KHDRBS2: variants seen among roughly 807,000 people sequenced by gnomAD.
The protein encoded by KHDRBS2 is KH RNA binding domain containing, signal transduction associated 2, also known as KH domain-containing, RNA-binding, signal transduction-associated protein 2.
In KHDRBS2, 26 loss-of-function variants were observed where a neutral mutation model predicts 44.3. The ratio of observed to expected loss-of-function variants is 0.59; its 90% confidence interval spans 0.43 to 0.81. The LOEUF is 0.81. KHDRBS2 is among the 40% of genes least tolerant of loss of function. The pLI is 0.00. For missense variants in KHDRBS2, 476 were observed against 433.1 expected (o/e 1.10, Z -0.88); for synonymous variants, 194 against 151.1 (o/e 1.28, Z -2.08).
chr6:62,032,472 C>G (rs1784527346), intron 3 of KHDRBS2, among the ~76,000 whole-genome samples: 1 of 151,734 alleles, frequency 6.6e-6, no homozygotes, highest in Non-Finnish European at 1.5e-5. Context: ...TGCTGATGGC[C>G]TATTGTGGGA....
At chr6:62,159,541 A>C (rs1817175403) in intron 2 of KHDRBS2, among the ~76,000 whole-genome samples, 1 of 152,124 alleles carries the variant, frequency 6.6e-6, no homozygotes, top group Admixed American at 6.6e-5. Flanking sequence ...GGAGTATCTT[A>C]GAGAAGAGAC....
At chr6:61,823,177 T>C (rs1019822269) in intron 6 of KHDRBS2, among the ~76,000 whole-genome samples, 1 of 152,012 alleles carries the variant, frequency 6.6e-6, no homozygotes, top group Non-Finnish European at 1.5e-5. Context: ...AATGCTTTAA[T>C]ATTCCACCAC....
intron 6 of KHDRBS2, among the ~76,000 whole-genome samples, chr6:61,852,234 T>A (rs1795533527): frequency 6.7e-6 from 1 of 149,720 alleles, no homozygotes; most frequent in African/African-American, 2.5e-5. Flanking sequence ...AATAAATAAA[T>A]AAATAAAATA....
At chr6:61,623,998 C>A in the KHDRBS2 span, among the ~76,000 whole-genome samples, 2 of 152,246 alleles carry the variant, frequency 1.3e-5, no homozygotes, top group South Asian at 2.1e-4. Flanking sequence ...TATACAAATT[C>A]TTGGCTAGAA....
At chr6:61,730,715 G>C (rs1774309932) in intron 7 of KHDRBS2, among the ~76,000 whole-genome samples, 1 of 152,010 alleles carries the variant, frequency 6.6e-6, no homozygotes, top group South Asian at 2.1e-4. Flanking sequence ...GGATAGGAAA[G>C]GAGACAGGGA....
At chr6:61,552,836 C>A in the KHDRBS2 span, among the ~76,000 whole-genome samples, 1 of 152,102 alleles carries the variant, frequency 6.6e-6, no homozygotes, top group Non-Finnish European at 1.5e-5. Flanking sequence ...CCTTGCATCC[C>A]AGATATAAAG....
intron 2 of KHDRBS2, among the ~76,000 whole-genome samples, chr6:62,085,765 T>A (rs1798263018): frequency 6.6e-6 from 1 of 152,048 alleles, no homozygotes; most frequent in Non-Finnish European, 1.5e-5. Flanking sequence ...AGGGTTAGGG[T>A]TAATTAGAAG....
At chr6:62,272,954 G>C in intron 1 of KHDRBS2, among the ~76,000 whole-genome samples, 1 of 152,070 alleles carries the variant, frequency 6.6e-6, no homozygotes, top group Non-Finnish European at 1.5e-5. Flanking sequence ...ATATGCAGCT[G>C]TCATTACCTT....
the KHDRBS2 span, among the ~76,000 whole-genome samples, chr6:61,594,295 T>C: frequency 2.0e-5 from 3 of 152,132 alleles, no homozygotes; most frequent in Non-Finnish European, 2.9e-5. Context: ...CAGTCCCACA[T>C]ATTTAATTCT....
At chr6:62,143,957 C>T (rs1444383838) in intron 2 of KHDRBS2, among the ~76,000 whole-genome samples, 1 of 151,822 alleles carries the variant, frequency 6.6e-6, no homozygotes, top group African/African-American at 2.4e-5. Context: ...ACATAACAGC[C>T]ATCCTTTGCC....
At chr6:62,086,769 A>T (rs772413056) in intron 2 of KHDRBS2, among the ~76,000 whole-genome samples, 8 of 152,146 alleles carry the variant, frequency 5.3e-5, no homozygotes, top group Non-Finnish European at 8.8e-5. Flanking sequence ...GTTGAACATG[A>T]GAGGAGTTTT....
intron 3 of KHDRBS2, among the ~76,000 whole-genome samples, chr6:61,989,304 TG>T (rs1341985983): frequency 6.6e-6 from 1 of 152,220 alleles, no homozygotes; most frequent in Non-Finnish European, 1.5e-5. Context: ...TCCCAGTTTC[TG>T]TCAAAGGATA....
the KHDRBS2 span, among the ~76,000 whole-genome samples, chr6:61,667,401 A>C: frequency 1.3e-5 from 2 of 151,338 alleles, no homozygotes; most frequent in East Asian, 3.9e-4. Flanking sequence ...TATGCAATTT[A>C]TCAAAAATCA....
chr6:61,757,910 G>C (rs1778734704), intron 6 of KHDRBS2, among the ~76,000 whole-genome samples: 1 of 152,092 alleles, frequency 6.6e-6, no homozygotes, highest in Non-Finnish European at 1.5e-5. Flanking sequence ...CTGTGCGAAT[G>C]CTGGACACAA....
chr6:62,282,588 G>A (rs1841950212), intron 1 of KHDRBS2, among the ~76,000 whole-genome samples: 1 of 152,060 alleles, frequency 6.6e-6, no homozygotes, highest in Admixed American at 6.6e-5. Flanking sequence ...ATATTTTCAT[G>A]TATATACATT....
chr6:62,093,422 T>G (rs541120025), intron 2 of KHDRBS2, among the ~76,000 whole-genome samples: 1 of 152,002 alleles, frequency 6.6e-6, no homozygotes, highest in African/African-American at 2.4e-5. Flanking sequence ...GTATAAGTTA[T>G]GTAATGATCA....
intron 2 of KHDRBS2, among the ~76,000 whole-genome samples, chr6:62,168,094 G>A (rs1334217575): frequency 6.6e-6 from 1 of 152,264 alleles, no homozygotes; most frequent in African/African-American, 2.4e-5. Flanking sequence ...AAGAAGTATA[G>A]AGCAAGTGAG....
intron 6 of KHDRBS2, among the ~76,000 whole-genome samples, chr6:61,768,892 G>C (rs1780403896): frequency 1.3e-5 from 2 of 152,048 alleles, no homozygotes. Context: ...AATTGGTGGA[G>C]TGTTCTATTC....
intron 2 of KHDRBS2, among the ~76,000 whole-genome samples, chr6:62,104,715 T>A (rs1471703188): frequency 6.6e-6 from 1 of 151,862 alleles, no homozygotes; most frequent in East Asian, 1.9e-4. Flanking sequence ...ATCAATGACC[T>A]CAGGTTACAA....
Sources: allele counts gnomAD v4.1 joint callset (sites outside exome capture counted in the v4.1 genomes callset), GRCh38; gene constraint gnomAD v4.1.1; transcripts MANE v1.5; gene names NCBI Gene and HGNC (gene_info 2026-07-23, HGNC 2026-07-21).